TNRC18: variants seen among roughly 807,000 people sequenced by gnomAD.
The protein encoded by TNRC18 is trinucleotide repeat-containing gene 18 protein.
In TNRC18, 69 loss-of-function variants were observed where a neutral mutation model predicts 226.7. The observed-to-expected ratio is 0.30, with a 90% confidence interval of 0.25 to 0.37. The LOEUF (loss-of-function observed/expected upper bound fraction) is 0.37, where lower values mean the gene tolerates loss of function less well. Ranked by LOEUF, TNRC18 falls within the 10% of genes least tolerant of loss-of-function variation. TNRC18 has a pLI of 1.00. For missense variants in TNRC18, 4,754 were observed against 4,256.6 expected (o/e 1.12, Z -3.25); for synonymous variants, 2,449 against 1,927.6 (o/e 1.27, Z -7.09).
chr7:5,383,431 C>T (rs1015798049), intron 5 of TNRC18, among the ~76,000 whole-genome samples: 6 of 152,152 alleles, frequency 3.9e-5, no homozygotes, highest in Non-Finnish European at 7.3e-5. Flanking sequence ...GCGTTTATAA[C>T]GCACCCACTA....
chr7:5,339,239 T>G (rs985375069), intron 18 of TNRC18, among the ~76,000 whole-genome samples: 20 of 151,570 alleles, frequency 1.3e-4, no homozygotes, highest in Non-Finnish European at 2.2e-4. Context: ...CTTTTTTTTT[T>G]TGTGTTTTTT....
chr7:5,349,262 T>G (rs1165745423), intron 17 of TNRC18, among the ~76,000 whole-genome samples: 2 of 152,058 alleles, frequency 1.3e-5, no homozygotes, highest in East Asian at 3.9e-4. Context: ...CCCGCTAGCG[T>G]CCGCAGCAGG....
Position 5,306,889 on chromosome 7 carries a change from C to G in TNRC18, c.*1217G>C, listed in dbSNP as rs185344946. On this transcript the variant is annotated 3_prime_UTR_variant, in exon 30 of 30. Coordinates refer to ENST00000430969, the MANE Select transcript of TNRC18 (RefSeq NM_001080495.3). ...TCCAAAAGAAACATAAAAAAAAAAACCAATAATTCCCCCAAAAAACAAACC... is the reference window on the plus strand; with the variant it reads ...TCCAAAAGAAACATAAAAAAAAAAAGCAATAATTCCCCCAAAAAACAAACC... 1 of 137,406 alleles carries G rather than the reference C, an allele frequency of 7.3e-6. No homozygotes were observed. The highest frequency in any genetic ancestry group is 2.3e-4 in the South Asian group (1 of 4,356). 8.5% of individuals were successfully genotyped at this position (137,406 alleles called of 1,614,324 possible).
rs899044772 is a variant in TNRC18 at position 5,363,286 on chromosome 7, G to C, written c.4220-461C>G. Among the ~76,000 whole-genome samples, 15 of 149,822 alleles carry C rather than the reference G, an allele frequency of 1.0e-4. No homozygotes were observed. In the East Asian group the frequency reaches 2.0e-3, roughly 20 times the overall value. ...CCACCGCATGCCAGCCTGAGCAACAGAGCAAGACTCCATCTCAAAAAAAAT... is the reference window on the plus strand; with the variant it reads ...CCACCGCATGCCAGCCTGAGCAACACAGCAAGACTCCATCTCAAAAAAAAT... On this transcript the variant is annotated intron_variant, in intron 11 of 29. Transcript: ENST00000430969.
At chr7:5,334,752 G>A (rs943945886) in intron 18 of TNRC18, among the ~76,000 whole-genome samples, 1 of 152,050 alleles carries the variant, frequency 6.6e-6, no homozygotes, top group Non-Finnish European at 1.5e-5. Flanking sequence ...TGGAACACCT[G>A]GCGTACGTAA....
chr7:5,345,465 C>G (rs932091916), intron 18 of TNRC18, 97 bp downstream of exon 18: 78 of 1,235,406 alleles, frequency 6.3e-5, no homozygotes, highest in Middle Eastern at 2.8e-4. Flanking sequence ...AGCTCTGCAC[C>G]TGCATCTCTG....
At chr7:5,389,496 C>G in intron 4 of TNRC18, 160 bp from the exon 5 acceptor site, 1 of 753,606 alleles carries the variant, frequency 1.3e-6, no homozygotes, top group Non-Finnish European at 1.7e-6. Context: ...CTCTCCTCAC[C>G]CAGGCTGGAG....
In TNRC18 at chr7:5,377,544, A is replaced by G. The variant is rs375517783; in HGVS notation, c.2288T>C (p.Leu763Pro). 2 of 1,588,296 alleles carry G rather than the reference A, an allele frequency of 1.3e-6. No homozygotes were observed. Among genetic ancestry groups the G allele is most frequent in the African/African-American group, 1.3e-5 (1 of 74,446 alleles). The part of the protein sequence containing the change: ...ESKELADLAR[L>P]HPTSCAPNGL... ...GTTAGGAGCACAGCTGGTAGGGTGC[A>G]GGCGGGCCAGGTCAGCCAGCTCCTT... Residue 763 changes from leucine (L) to proline (P), a missense_variant, in exon 7 of 30, where the codon CTG (leucine) becomes CCG (proline). Coordinates refer to ENST00000430969, the MANE Select transcript of TNRC18 (RefSeq NM_001080495.3). This position sits in a 1 kb window ranked among gnomAD's most constrained non-coding sequence, Gnocchi z 5.8.
chr7:5,385,202 G>T (rs1338137209), intron 5 of TNRC18, among the ~76,000 whole-genome samples: 1 of 152,150 alleles, frequency 6.6e-6, no homozygotes, highest in Non-Finnish European at 1.5e-5. Flanking sequence ...AAGTGACACA[G>T]CTGGCTGGGC....
At chr7:5,347,936 G>A (rs561641910) in intron 17 of TNRC18, among the ~76,000 whole-genome samples, 1 of 152,164 alleles carries the variant, frequency 6.6e-6, no homozygotes, top group Admixed American at 6.5e-5. Flanking sequence ...CTAGGTGACA[G>A]AGCAAGACTC....
intron 18 of TNRC18, among the ~76,000 whole-genome samples, chr7:5,343,341 G>A (rs567994927): frequency 8.5e-4 from 130 of 152,238 alleles, no homozygotes; most frequent in Middle Eastern, 3.4e-3. Context: ...GTGACAAAGC[G>A]AGACCGTATC....
chr7:5,353,481 C>T (rs933345905), intron 16 of TNRC18, among the ~76,000 whole-genome samples: 1 of 151,276 alleles, frequency 6.6e-6, no homozygotes, highest in African/African-American at 2.4e-5. Flanking sequence ...ATCACTTGAA[C>T]CCGGGAGGTG....
rs2128099648 is a variant in TNRC18, at chr7:5,309,089, A to G, written c.8625+43T>C. The G allele has an allele frequency of 1.3e-6, 2 of 1,551,246 alleles. No individual in the cohort carries two copies. Among genetic ancestry groups the G allele is most frequent in the Non-Finnish European group, 1.7e-6 (2 of 1,143,748 alleles). On this transcript the variant is annotated intron_variant, in intron 28 of 29. Transcript: ENST00000430969. The surrounding 1 kb of genome is among the most constrained non-coding windows in gnomAD (Gnocchi z 5.7). ...AACGCCTCGCCCTCAGGTCTGCCCT[A>G]CACCGCCTAGGACTGGGGGCCGCAG...
Position 5,389,061 on chromosome 7 carries a change from GC to G in TNRC18, c.762del (p.Pro256ArgfsTer26), listed in dbSNP as rs1780064116. The G allele has an allele frequency of 3.3e-5, 42 of 1,283,554 alleles. No homozygotes were observed. The highest frequency in any genetic ancestry group is 1.2e-4 in the South Asian group (6 of 51,182). The allele number at this position is 1,283,554 out of a possible 1,614,324, so 79.5% of individuals were successfully genotyped here. On this transcript the variant is annotated frameshift_variant, in exon 5 of 30. Transcript: ENST00000430969. LOFTEE classifies it high-confidence loss of function. ...GACAGGCGCTCAGCCAGGCGCGGGGGCCCCCGGTCCTGGCGGCCCTCGGCGC... is the reference window on the plus strand; with the variant it reads ...GACAGGCGCTCAGCCAGGCGCGGGGGCCCCGGTCCTGGCGGCCCTCGGCGC... ...EARAEGRQDR[G>X]PPRLAERLSP...
chr7:5,402,802 C>T (rs1044086327), intron 2 of TNRC18, among the ~76,000 whole-genome samples: 2 of 151,672 alleles, frequency 1.3e-5, no homozygotes, highest in Admixed American at 6.6e-5. Flanking sequence ...TGCAGTGAGG[C>T]GACACAGTGC....
intron 5 of TNRC18, 115 bp downstream of exon 5, chr7:5,387,557 A>G: frequency 7.0e-7 from 1 of 1,425,896 alleles, no homozygotes; most frequent in Non-Finnish European, 9.5e-7. Flanking sequence ...ATTTTAAAAA[A>G]TGATACTTAT....
chr7:5,312,983 G>A lies in TNRC18; in HGVS notation c.7908C>T (p.Ser2636=), dbSNP rs769726395. 8 of 1,037,340 alleles carry A rather than the reference G, an allele frequency of 7.7e-6. No homozygotes were observed. Among genetic ancestry groups the A allele is most frequent in the South Asian group, 4.5e-5 (3 of 66,000 alleles). The allele number at this position is 1,037,340 out of a possible 1,614,324, so 64.3% of individuals were successfully genotyped here. ...AAGAGGAAGAGGAGGAGGAGGAAGA[G>A]GAGGAGGAGGAAGAGGAGGATGAGG... ...SSSSSSSSSS[S]SSSSSSSSSS... is the part of the protein sequence containing the mutation. Residue 2636 remains serine (S), a synonymous_variant, in exon 27 of 30, where the codon TCC becomes TCT. Coordinates refer to ENST00000430969, the MANE Select transcript of TNRC18 (RefSeq NM_001080495.3). This position sits in a 1 kb window ranked among gnomAD's most constrained non-coding sequence, Gnocchi z 6.3.
chr7:5,385,810 C>T (rs1323823911), intron 5 of TNRC18, among the ~76,000 whole-genome samples: 1 of 147,360 alleles, frequency 6.8e-6, no homozygotes, highest in African/African-American at 2.5e-5. Context: ...CTTGTCTCTA[C>T]TAAAGAAAAA....
intron 2 of TNRC18, chr7:5,420,778 C>G (rs1315355532): frequency 3.0e-6 from 2 of 656,236 alleles, no homozygotes; most frequent in Non-Finnish European, 5.6e-6. Flanking sequence ...CCGCCGGGGC[C>G]CCGGGGATTG....
Sources: allele counts gnomAD v4.1 joint callset (sites outside exome capture counted in the v4.1 genomes callset), GRCh38; gene constraint gnomAD v4.1.1; non-coding constraint Gnocchi (gnomAD v3.1); transcripts MANE v1.5; gene names NCBI Gene and HGNC (gene_info 2026-07-23, HGNC 2026-07-21).